Variants in ARHGEF10 observed in about 807,000 individuals in gnomAD.
ARHGEF10 encodes Rho guanine nucleotide exchange factor 10.
A neutral mutation model predicts 147.4 loss-of-function variants in ARHGEF10; 140 were observed. The ratio of observed to expected loss-of-function variants is 0.95; its 90% confidence interval spans 0.83 to 1.09. The LOEUF is 1.09. Ranked by LOEUF, ARHGEF10 falls within the 50% of genes least tolerant of loss-of-function variation. ARHGEF10 has a pLI of 0.00. For synonymous variants in ARHGEF10, 902 were observed against 695.8 expected, an observed-to-expected ratio of 1.30 and a Z score of -4.67; for missense variants, 2,222 against 1,752.7, an observed-to-expected ratio of 1.27 and a Z score of -4.78.
intron 1 of ARHGEF10, among the ~76,000 whole-genome samples, chr8:1,839,492 T>TGTGGGGACTGTCCGGTGTGGAAGCTGTCC (rs1803821293): frequency 1.6e-5 from 2 of 123,942 alleles, no homozygotes; most frequent in Non-Finnish European, 3.4e-5. Flanking sequence ...GGAAACTGTC[T>TGTGGGGACTGTCCGGTGTGGAAGCTGTCC]GGTGTGGGGA....
chr8:1,934,189 A>T (rs1451202255), intron 26 of ARHGEF10, among the ~76,000 whole-genome samples: 1 of 152,044 alleles, frequency 6.6e-6, no homozygotes, highest in Non-Finnish European at 1.5e-5. Context: ...TTAGCTGGGT[A>T]GGGCAGTGCG....
chr8:1,891,988 G>T (rs1007325380), intron 11 of ARHGEF10, among the ~76,000 whole-genome samples: 10 of 147,642 alleles, frequency 6.8e-5, no homozygotes, highest in Admixed American at 1.4e-4. Context: ...ACATAATATA[G>T]GTACACATAT....
At chr8:1,893,442 C>A in intron 11 of ARHGEF10, 127 bp from the exon 12 acceptor site, 1 of 694,330 alleles carries the variant, frequency 1.4e-6, no homozygotes, top group South Asian at 1.6e-5. Context: ...TTTAATTAGG[C>A]TACCCTTGTG....
chr8:1,909,822 C>T (rs990226980), intron 18 of ARHGEF10, among the ~76,000 whole-genome samples: 1 of 152,118 alleles, frequency 6.6e-6, no homozygotes, highest in Non-Finnish European at 1.5e-5. Context: ...GTGGAGCTGG[C>T]GTGCAGGAAG....
At chr8:1,911,611 C>T (rs1187506078) in intron 18 of ARHGEF10, among the ~76,000 whole-genome samples, 1 of 152,186 alleles carries the variant, frequency 6.6e-6, no homozygotes, top group Admixed American at 6.5e-5. Flanking sequence ...GGTGCTGGGA[C>T]TGGCAGGGCT....
At chr8:1,854,233 G>A (rs1457114136) in intron 2 of ARHGEF10, among the ~76,000 whole-genome samples, 2 of 152,152 alleles carry the variant, frequency 1.3e-5, no homozygotes, top group South Asian at 2.1e-4. Flanking sequence ...GCTCACCTCA[G>A]AGGGCGGCGC....
chr8:1,850,786 C>G (rs1433454214), intron 2 of ARHGEF10, among the ~76,000 whole-genome samples: 1 of 152,164 alleles, frequency 6.6e-6, no homozygotes, highest in African/African-American at 2.4e-5. Context: ...TGCCAGAACC[C>G]AGAAGCAGCC....
chr8:1,905,374 C>T (rs969468907), intron 16 of ARHGEF10, among the ~76,000 whole-genome samples, 197 bp from the exon 17 acceptor site: 3 of 152,088 alleles, frequency 2.0e-5, no homozygotes, highest in East Asian at 3.9e-4. Context: ...GTTTAAATCG[C>T]GGGAGGGCCA....
At position 1,944,650 on chromosome 8, in the gene ARHGEF10, A is replaced by G. The variant is rs564181382; in HGVS notation, c.3223-831A>G. On this transcript the variant is annotated intron_variant, in intron 26 of 28. Transcript: ENST00000349830. ...GGGTTTTTATGAGTTTCATCACTTTACTTTAGATAACTGTGCAGGATCGTG... is the reference window on the plus strand; with the variant it reads ...GGGTTTTTATGAGTTTCATCACTTTGCTTTAGATAACTGTGCAGGATCGTG... Among the ~76,000 whole-genome samples, 12 of 152,290 alleles carry G rather than the reference A, an allele frequency of 7.9e-5. No individual in the cohort carries two copies. In the East Asian group the frequency reaches 1.7e-3, roughly 22 times the overall value.
chr8:1,928,102 G>C (rs1180226979), intron 23 of ARHGEF10, among the ~76,000 whole-genome samples: 3 of 152,116 alleles, frequency 2.0e-5, no homozygotes, highest in Admixed American at 2.0e-4. Flanking sequence ...ATAATAATCT[G>C]CTTCTTAGGA....
At chr8:1,911,696 T>C (rs11136439) in intron 18 of ARHGEF10, among the ~76,000 whole-genome samples, 43,344 of 152,014 alleles carry the variant, frequency 0.29, 6,437 homozygotes, top group African/African-American at 0.35. Context: ...AGTGGGTCTA[T>C]GTGGTATCAC....
intron 21 of ARHGEF10, among the ~76,000 whole-genome samples, chr8:1,924,170 GTGA>G (rs1563292578): frequency 1.3e-5 from 2 of 152,188 alleles, no homozygotes; most frequent in Non-Finnish European, 2.9e-5. Context: ...GAGCCTGGCC[GTGA>G]GCCAGGTGCT....
chr8:1,893,787 A>T lies in ARHGEF10; in HGVS notation c.1260+141A>T, dbSNP rs1391171792. On this transcript the variant is annotated intron_variant, in intron 12 of 28. Coordinates refer to ENST00000349830, the MANE Select transcript of ARHGEF10 (RefSeq NM_014629.4). Reference sequence around the variant, plus strand: ...GCAAAATTCTCAAAAGGATCTAAGTATTATGTCTGTATATTGACATCAAAA... The same window carrying T: ...GCAAAATTCTCAAAAGGATCTAAGTTTTATGTCTGTATATTGACATCAAAA... The T allele has an allele frequency of 9.0e-6, 6 of 668,808 alleles. No homozygotes were observed. The East Asian group carries it at 1.4e-4, about 15-fold the overall frequency. The allele number at this position is 668,808 out of a possible 1,614,324, so 41.4% of individuals were successfully genotyped here.
chr8:1,915,736 T>C (rs1280139338), intron 18 of ARHGEF10, among the ~76,000 whole-genome samples: 1 of 152,216 alleles, frequency 6.6e-6, no homozygotes, highest in East Asian at 1.9e-4. Flanking sequence ...AAACTCTCTG[T>C]CTTTAGGAGC....
chr8:1,847,575 C>G (rs1444201679), intron 2 of ARHGEF10, among the ~76,000 whole-genome samples: 1 of 151,982 alleles, frequency 6.6e-6, no homozygotes, highest in Non-Finnish European at 1.5e-5. Flanking sequence ...GGCATCGTCT[C>G]TGGGGGCAGC....
chr8:1,893,450 G>C (rs752715315), intron 11 of ARHGEF10, 119 bp from the exon 12 acceptor site: 10 of 728,342 alleles, frequency 1.4e-5, no homozygotes, highest in South Asian at 1.1e-4. Context: ...GGCTACCCTT[G>C]TGCACTGTTT....
In ARHGEF10 at chr8:1,925,440, C is replaced by T. The variant is rs375266065; in HGVS notation, c.2610+36C>T. The stretch of plus-strand genomic sequence containing the variant: ...GCAGGGCCCGCGGCCCGGGGTGGGA[C>T]GCACCTCGCAGCTCTGAATGGGCCA... On this transcript the variant is annotated intron_variant, in intron 22 of 28. Transcript: ENST00000349830. The T allele has an allele frequency of 3.2e-5, 51 of 1,612,090 alleles. No homozygotes were observed. The South Asian group carries it at 4.5e-4, about 14-fold the overall frequency.
chr8:1,875,207 G>T (rs186923520), intron 7 of ARHGEF10, among the ~76,000 whole-genome samples: 1 of 136,122 alleles, frequency 7.3e-6, no homozygotes, highest in Non-Finnish European at 1.6e-5. Context: ...GTCGGGGATA[G>T]AGGTTCTAAG....
chr8:1,848,415 ACGACT>A (rs1423354027), intron 2 of ARHGEF10, among the ~76,000 whole-genome samples: 14 of 152,146 alleles, frequency 9.2e-5, no homozygotes, highest in Non-Finnish European at 2.1e-4. Context: ...TCTCTAATCC[ACGACT>A]CTGTACTTAG....
Sources: gnomAD v4.1 joint callset for allele counts (sites outside exome capture counted in the v4.1 genomes callset) on GRCh38, gnomAD v4.1.1 for gene constraint, MANE v1.5 for transcripts, NCBI Gene and HGNC (gene_info 2026-07-23, HGNC 2026-07-21) for gene names.